Variants in EFCAB6 observed in about 807,000 individuals in gnomAD.
The protein encoded by EFCAB6 is EF-hand calcium-binding domain-containing protein 6.
A neutral mutation model predicts 169.8 loss-of-function variants in EFCAB6; 156 were observed. That is an observed-to-expected ratio of 0.92 (90% CI 0.81 to 1.05). The LOEUF is 1.05. Among genes scored for constraint, EFCAB6 ranks in the 50% least tolerant of loss-of-function variants. The probability of loss-of-function intolerance (pLI) is 0.00; values close to 1 mark genes in which losing one functional copy is unlikely to be tolerated. For synonymous variants in EFCAB6, 698 were observed against 676.4 expected (o/e 1.03, Z -0.50); for missense variants, 1,800 against 1,829.1 (o/e 0.98, Z 0.29).
At chr22:43,802,875 T>G (rs961865843) in intron 2 of EFCAB6, 17 of 353,368 alleles carry the variant, frequency 4.8e-5, no homozygotes, top group Non-Finnish European at 6.6e-5. Flanking sequence ...GCTATATTGT[T>G]AGCACACAGA....
chr22:43,716,947 G>T lies in EFCAB6; in HGVS notation c.783C>A (p.Ala261=). Residue 261 remains alanine, a synonymous_variant, in exon 9 of 32, where the codon GCC becomes GCA. Transcript: ENST00000262726. ...NQEVSLENQQ[A]KNSKKERLLG... is the part of the protein sequence containing the mutation. Reference sequence around the variant, plus strand: ...GCAAACGTTCCTTTTTGGAATTTTTGGCTTGTTGATTCTCCAACGAGACCT... The same window carrying T: ...GCAAACGTTCCTTTTTGGAATTTTTTGCTTGTTGATTCTCCAACGAGACCT... The T allele has an allele frequency of 6.4e-7, 1 of 1,565,534 alleles. No homozygotes were observed. Among genetic ancestry groups the T allele is most frequent in the Non-Finnish European group, 8.6e-7 (1 of 1,157,686 alleles).
At chr22:43,545,158 A>G (rs2047979351) in intron 27 of EFCAB6, among the ~76,000 whole-genome samples, 2 of 152,120 alleles carry the variant, frequency 1.3e-5, no homozygotes, top group Non-Finnish European at 2.9e-5. Context: ...AAAGAAAAAA[A>G]AGCTATTCAG....
intron 13 of EFCAB6, among the ~76,000 whole-genome samples, chr22:43,672,679 C>T (rs2057544630): frequency 6.6e-6 from 1 of 152,000 alleles, no homozygotes; most frequent in Non-Finnish European, 1.5e-5. Context: ...CACACTGGGG[C>T]CTATCGGAGA....
At chr22:43,598,294 T>G (rs2052182078) in intron 23 of EFCAB6, among the ~76,000 whole-genome samples, 1 of 101,026 alleles carries the variant, frequency 9.9e-6, no homozygotes, top group Non-Finnish European at 1.8e-5. Context: ...GTGATGAAAG[T>G]GAGACACTGT....
intron 26 of EFCAB6, chr22:43,569,964 A>G (rs2049737276): frequency 6.6e-6 from 1 of 152,222 alleles, no homozygotes; most frequent in African/African-American, 2.4e-5. Flanking sequence ...TACCATATTC[A>G]TTGAAAATAC....
chr22:43,658,454 G>A (rs1442602007), intron 17 of EFCAB6, among the ~76,000 whole-genome samples: 4 of 152,122 alleles, frequency 2.6e-5, no homozygotes, highest in Non-Finnish European at 5.9e-5. Context: ...TGACAAAATT[G>A]GAGACCCGGG....
chr22:43,603,648 C>T (rs1201137377), intron 22 of EFCAB6, among the ~76,000 whole-genome samples: 2 of 152,246 alleles, frequency 1.3e-5, no homozygotes, highest in Non-Finnish European at 2.9e-5. Context: ...CTTCAAATGC[C>T]ACTGTCCCTA....
At chr22:43,711,433 C>A in intron 10 of EFCAB6, 42 bp downstream of exon 10, 1 of 1,516,944 alleles carries the variant, frequency 6.6e-7, no homozygotes, top group Non-Finnish European at 8.8e-7. Context: ...TTACGGTTGA[C>A]GTTTGGGGAA....
intron 3 of EFCAB6, among the ~76,000 whole-genome samples, chr22:43,776,088 T>A (rs1018288843): frequency 6.6e-6 from 1 of 152,164 alleles, no homozygotes; most frequent in Non-Finnish European, 1.5e-5. Flanking sequence ...AAAAGGCTTA[T>A]GGAAAGAGAA....
Position 43,622,391 on chromosome 22 carries a change from C to T in EFCAB6, c.2465+4056G>A, listed in dbSNP as rs145821029. ...ACCAGCCTGGCCAACATGGTGAAAC[C>T]TTGTCTCTACTAAAAATACAAAAAA... On this transcript the variant is annotated intron_variant, in intron 20 of 31. Transcript: ENST00000262726. Among the ~76,000 whole-genome samples, 542 of 152,252 alleles carry T rather than the reference C, an allele frequency of 3.6e-3. 2 individuals are homozygous for T. The highest frequency in any genetic ancestry group is 0.014 in the Middle Eastern group (4 of 294).
intron 8 of EFCAB6, among the ~76,000 whole-genome samples, chr22:43,721,413 A>C (rs1395775461): frequency 1.3e-5 from 2 of 152,162 alleles, no homozygotes; most frequent in African/African-American, 2.4e-5. Context: ...AAAACAAAAC[A>C]AAACCCAAAG....
chr22:43,788,270 A>C (rs767672598), intron 2 of EFCAB6, among the ~76,000 whole-genome samples: 2 of 152,210 alleles, frequency 1.3e-5, no homozygotes, highest in Non-Finnish European at 2.9e-5. Context: ...GCTTCAAAGG[A>C]TACTGTCAAG....
rs2053789255 is a variant in EFCAB6, at chr22:43,617,687, T to G, written c.2466-1765A>C. Reference sequence around the variant, plus strand: ...AGTCAGCTCGTTAGTCACAGATACATAGGAATAGTCACTATGTGCTGCTCT... The same window carrying G: ...AGTCAGCTCGTTAGTCACAGATACAGAGGAATAGTCACTATGTGCTGCTCT... On this transcript the variant is annotated intron_variant, in intron 20 of 31. Coordinates refer to ENST00000262726, the MANE Select transcript of EFCAB6 (RefSeq NM_022785.4). 2.0e-5 allele frequency among the ~76,000 whole-genome samples: 3 copies of G among 152,242 alleles called. No individual in the cohort carries two copies. In the South Asian group the frequency reaches 6.2e-4, roughly 32 times the overall value.
chr22:43,694,068 A>C (rs2058492989), intron 10 of EFCAB6, among the ~76,000 whole-genome samples: 1 of 151,996 alleles, frequency 6.6e-6, no homozygotes, highest in African/African-American at 2.4e-5. Flanking sequence ...AGAGTGAGTG[A>C]CTTAAATATT....
In EFCAB6 at chr22:43,711,370, G is replaced by A. The variant is rs187718081; in HGVS notation, c.1031+105C>T. 2.5e-3 allele frequency: 2,985 copies of A among 1,201,888 alleles called. 6 individuals carry two copies. Among genetic ancestry groups the A allele is most frequent in the Non-Finnish European group, 3.2e-3 (2,860 of 904,194 alleles). 74.5% of individuals were successfully genotyped at this position (1,201,888 alleles called of 1,614,324 possible). ...CTTCTGTATACGTTTTAAATTTTCAGTAATAAAAAGTCTAAAACATTAATA... is the reference window on the plus strand; with the variant it reads ...CTTCTGTATACGTTTTAAATTTTCAATAATAAAAAGTCTAAAACATTAATA... On this transcript the variant is annotated intron_variant, in intron 10 of 31. Coordinates refer to ENST00000262726, the MANE Select transcript of EFCAB6 (RefSeq NM_022785.4).
intron 3 of EFCAB6, among the ~76,000 whole-genome samples, chr22:43,774,178 G>C (rs2061565474): frequency 6.6e-6 from 1 of 151,806 alleles, no homozygotes; most frequent in South Asian, 2.1e-4. Flanking sequence ...TCAAGCTATT[G>C]CACATTTCTG....
intron 23 of EFCAB6, among the ~76,000 whole-genome samples, chr22:43,591,473 A>G (rs1391240664): frequency 1.5e-5 from 2 of 136,822 alleles, no homozygotes; most frequent in Non-Finnish European, 3.1e-5. Context: ...AAAAAAAAAA[A>G]AAGAAAAGAA....
chr22:43,577,448 T>C (rs548786702), intron 25 of EFCAB6, among the ~76,000 whole-genome samples: 1 of 152,336 alleles, frequency 6.6e-6, no homozygotes, highest in South Asian at 2.1e-4. Flanking sequence ...TTCATGTAGT[T>C]CATGGTAACA....
At chr22:43,638,895 C>T (rs1350780392) in intron 17 of EFCAB6, among the ~76,000 whole-genome samples, 1 of 151,644 alleles carries the variant, frequency 6.6e-6, no homozygotes, top group African/African-American at 2.4e-5. Flanking sequence ...AAGCTATTCT[C>T]CTGCCTCAGC....
Sources: allele counts gnomAD v4.1 joint callset (sites outside exome capture counted in the v4.1 genomes callset), GRCh38; gene constraint gnomAD v4.1.1; transcripts MANE v1.5; gene names NCBI Gene and HGNC (gene_info 2026-07-23, HGNC 2026-07-21).